Variants in MYBL2 observed in about 807,000 individuals in gnomAD.
MYBL2 encodes the protein myb-related protein B.
MYBL2 carries 28 observed loss-of-function variants against 79.9 expected under a neutral mutation model. That is an observed-to-expected ratio of 0.35 (90% CI 0.26 to 0.48). MYBL2 has a LOEUF of 0.48. MYBL2 is among the 20% of genes least tolerant of loss of function. MYBL2 has a pLI of 0.99. For synonymous variants in MYBL2, 378 were observed against 361.2 expected, an observed-to-expected ratio of 1.05 and a Z score of -0.53; for missense variants, 735 against 893.9, an observed-to-expected ratio of 0.82 and a Z score of 2.27.
At chr20:43,703,021 T>C in intron 8 of MYBL2, 118 bp downstream of exon 8, 1 of 1,163,904 alleles carries the variant, frequency 8.6e-7, no homozygotes, top group Non-Finnish European at 1.2e-6. Flanking sequence ...TATGCTCTGG[T>C]AGGAAGACCA....
chr20:43,673,532 G>T, intron 1 of MYBL2: 1 of 471,644 alleles, frequency 2.1e-6, no homozygotes, highest in South Asian at 1.7e-5. Flanking sequence ...AGCTACTTAG[G>T]AGGCTGGGGC....
intron 6 of MYBL2, among the ~76,000 whole-genome samples, chr20:43,692,791 A>T (rs995368806): frequency 1.6e-4 from 25 of 152,202 alleles, no homozygotes; most frequent in Non-Finnish European, 2.8e-4. Flanking sequence ...AAAAAAAATT[A>T]AAAAATGTAT....
intron 12 of MYBL2, among the ~76,000 whole-genome samples, chr20:43,713,951 G>T (rs963902909): frequency 6.6e-6 from 1 of 152,204 alleles, no homozygotes; most frequent in African/African-American, 2.4e-5. Context: ...ATGAACAAAG[G>T]TTAAGGGTTG....
In MYBL2 at chr20:43,699,778, C is replaced by T. The variant is rs1316249498; in HGVS notation, c.685C>T (p.Pro229Ser). Reference protein sequence around the residue: ...EGQGSLLTNWPSVPPTIKEEE... With the variant: ...EGQGSLLTNWSSVPPTIKEEE... ...ACAGGGAAGTCTTCTGACCAACTGG[C>T]CCTCCGTCCCTCCTACCATAAAGGA... Residue 229 changes from proline to serine, a missense_variant, in exon 7 of 14, where the codon CCC becomes TCC. Physicochemically the swap from Pro to Ser is moderately conservative, Grantham distance 74. This residue lies in a region of MYBL2 where 144 missense variants were observed against 131.9 expected (regional missense o/e 1.09). Coordinates refer to ENST00000217026, the MANE Select transcript of MYBL2 (RefSeq NM_002466.4). The T allele has an allele frequency of 6.2e-7, 1 of 1,614,120 alleles. No individual in the cohort carries two copies. Among genetic ancestry groups the T allele is most frequent in the Non-Finnish European group, 8.5e-7 (1 of 1,180,010 alleles).
chr20:43,674,234 C>CCCCCTTTT (rs33986259), intron 2 of MYBL2, among the ~76,000 whole-genome samples: 1 of 72,230 alleles, frequency 1.4e-5, no homozygotes, highest in Non-Finnish European at 3.0e-5. Context: ...TCCCCCCACC[C>CCCCCTTTT]TTTTTTTTTT....
chr20:43,699,198 C>G (rs1987627247), intron 6 of MYBL2, among the ~76,000 whole-genome samples: 2 of 151,846 alleles, frequency 1.3e-5, no homozygotes, highest in African/African-American at 4.9e-5. Context: ...GCCACCACAC[C>G]TGGCTAATTT....
In MYBL2 at chr20:43,686,847, C is replaced by T; in HGVS notation, c.280-5C>T. ...CAAGTGGCTACCCAGAGACTTTTCT[C>T]TAAGGTCATCGAGCTGGTTAAGAAG... On this transcript the variant is annotated splice_polypyrimidine_tract_variant and splice_region_variant and intron_variant, in intron 4 of 13. Transcript: ENST00000217026. 6.2e-7 allele frequency: 1 copy of T among 1,613,766 alleles called. No homozygotes were observed. Among genetic ancestry groups the T allele is most frequent in the South Asian group, 1.1e-5 (1 of 91,008 alleles).
Position 43,702,906 on chromosome 20 carries a change from G to T in MYBL2, c.1365+3G>T, listed in dbSNP as rs73116571. On this transcript the variant is annotated splice_donor_region_variant and intron_variant, in intron 8 of 13. Coordinates refer to ENST00000217026, the MANE Select transcript of MYBL2 (RefSeq NM_002466.4). ...CCCTGCCCTTCTCGCCCTCCCAGGT[G>T]CGTGGACCCCACTCTGGCTGCTTAT... 5.5e-3 allele frequency: 8,708 copies of T among 1,582,218 alleles called. 26 individuals are homozygous for T. The highest frequency in any genetic ancestry group is 6.7e-3 in the Non-Finnish European group (7,740 of 1,157,708).
At chr20:43,684,204 G>A (rs1444644225) in intron 4 of MYBL2, among the ~76,000 whole-genome samples, 1 of 150,360 alleles carries the variant, frequency 6.7e-6, no homozygotes, top group Non-Finnish European at 1.5e-5. Flanking sequence ...TGGGATTGTA[G>A]GTATGAGCCA....
chr20:43,671,522 G>A (rs1342103450), intron 1 of MYBL2, among the ~76,000 whole-genome samples: 2 of 132,586 alleles, frequency 1.5e-5, no homozygotes, highest in Non-Finnish European at 3.1e-5. Context: ...GCCCAGGCTA[G>A]AGTGCAATGG....
intron 8 of MYBL2, among the ~76,000 whole-genome samples, chr20:43,704,976 G>A (rs1297424032): frequency 2.6e-5 from 4 of 152,166 alleles, no homozygotes; most frequent in Non-Finnish European, 5.9e-5. Flanking sequence ...GAGTAGAGAT[G>A]GCAAAAGCTA....
Position 43,692,282 on chromosome 20 carries a change from A to C in MYBL2, c.626A>C (p.Lys209Thr). The change falls in exon 6 of 14, where the codon AAG (lysine) becomes ACG (threonine). Residue 209 changes from lysine (K) to threonine (T), a missense_variant. Around this residue, in one of 5 missense-constraint regions of MYBL2, gnomAD observed 144 missense variants for 131.9 expected, o/e 1.09. Transcript: ENST00000217026. ...TACTTGCTGCTGGAGCTCGAGGACAAGGACGGCCTCCAGAGTGCCCAGCCC... is the reference window on the plus strand; with the variant it reads ...TACTTGCTGCTGGAGCTCGAGGACACGGACGGCCTCCAGAGTGCCCAGCCC... ...PVYLLLELED[K>T]DGLQSAQPTE... 6.2e-7 allele frequency: 1 copy of C among 1,614,196 alleles called. No homozygotes were observed. Among genetic ancestry groups the C allele is most frequent in the East Asian group, 2.2e-5 (1 of 44,886 alleles).
At chr20:43,715,006 G>A in intron 12 of MYBL2, 128 bp from the exon 13 acceptor site, 1 of 1,109,452 alleles carries the variant, frequency 9.0e-7, no homozygotes, top group Non-Finnish European at 1.3e-6. Context: ...CTGAGGCTTG[G>A]AAAAGTGTGT....
At chr20:43,668,428 C>T (rs1047758563) in intron 1 of MYBL2, among the ~76,000 whole-genome samples, 11 of 152,072 alleles carry the variant, frequency 7.2e-5, no homozygotes, top group Non-Finnish European at 1.3e-4. Context: ...TCTCGATCTC[C>T]TGACCTTGTG....
chr20:43,700,705 T>C (rs1987659166), intron 7 of MYBL2, among the ~76,000 whole-genome samples: 1 of 152,292 alleles, frequency 6.6e-6, no homozygotes, highest in Non-Finnish European at 1.5e-5. Context: ...TCTCCCATCC[T>C]AGAACATCTA....
Position 43,681,872 on chromosome 20 carries a change from T to C in MYBL2, c.186+17T>C. The C allele has an allele frequency of 1.2e-6, 2 of 1,613,616 alleles. No homozygotes were observed. Among genetic ancestry groups the C allele is most frequent in the South Asian group, 1.1e-5 (1 of 91,056 alleles). On this transcript the variant is annotated intron_variant, in intron 3 of 13. Transcript: ENST00000217026. ...CACTTCCCTGTGAGTACAGTCCTGC[T>C]GTGGCCCTCCCTCGGGGCAAGGGCT...
intron 8 of MYBL2, among the ~76,000 whole-genome samples, chr20:43,704,564 C>T (rs1310400122): frequency 1.3e-5 from 2 of 152,174 alleles, no homozygotes; most frequent in African/African-American, 2.4e-5. Context: ...CTGAGGGTTG[C>T]AGATGGCTCT....
intron 2 of MYBL2, among the ~76,000 whole-genome samples, chr20:43,676,320 TC>T (rs972279488): frequency 6.6e-6 from 1 of 150,492 alleles, no homozygotes; most frequent in African/African-American, 2.4e-5. Flanking sequence ...CTTCTTCGTG[TC>T]CATGTGTATT....
At chr20:43,693,239 C>T (rs572242928) in intron 6 of MYBL2, among the ~76,000 whole-genome samples, 54 of 152,288 alleles carry the variant, frequency 3.5e-4, no homozygotes, top group African/African-American at 1.3e-3. Context: ...ACCACGTTGG[C>T]CAGGCTGGGT....
Sources: gnomAD v4.1 joint callset for allele counts (sites outside exome capture counted in the v4.1 genomes callset) on GRCh38, gnomAD v4.1.1 for gene constraint, gnomAD v4.1.1 regional missense constraint, MANE v1.5 for transcripts, NCBI Gene and HGNC (gene_info 2026-07-23, HGNC 2026-07-21) for gene names.